Variants in PRDM11 observed in about 807,000 individuals in gnomAD.
The protein encoded by PRDM11 is PR/SET domain 11, also known as PR domain-containing protein 11.
Under a neutral mutation model 97.8 loss-of-function variants are expected in PRDM11, and 20 were observed. That is an observed-to-expected ratio of 0.20 (90% confidence interval 0.14 to 0.30). The LOEUF (loss-of-function observed/expected upper bound fraction) is 0.30, where lower values mean the gene tolerates loss of function less well. Among genes scored for constraint, PRDM11 ranks in the 10% least tolerant of loss-of-function variants. The probability of loss-of-function intolerance (pLI) is 1.00; values close to 1 mark genes in which losing one functional copy is unlikely to be tolerated. For missense variants in PRDM11, 1,139 were observed against 1,555.2 expected, an observed-to-expected ratio of 0.73 and a Z score of 4.50; for synonymous variants, 599 against 637.7, an observed-to-expected ratio of 0.94 and a Z score of 0.91.
At chr11:45,225,529 G>A (rs1854253518) in intron 7 of PRDM11, among the ~76,000 whole-genome samples, 1 of 152,170 alleles carries the variant, frequency 6.6e-6, no homozygotes, top group African/African-American at 2.4e-5. Flanking sequence ...GCATGCGTCT[G>A]AACTAAACTG....
intron 1 of PRDM11, among the ~76,000 whole-genome samples, chr11:45,139,905 G>C (rs1852963933): frequency 6.6e-6 from 1 of 152,112 alleles, no homozygotes; most frequent in Non-Finnish European, 1.5e-5. Flanking sequence ...GAAAGAGAGA[G>C]AAACAATGTT....
chr11:45,095,177 AAAG>A (rs1851872443), upstream of PRDM11, among the ~76,000 whole-genome samples: 1 of 152,158 alleles, frequency 6.6e-6, no homozygotes, highest in Admixed American at 6.5e-5. Context: ...GCCTCCCCCA[AAAG>A]AAGGTGACAG....
At chr11:45,151,145 G>T (rs998463978) in intron 1 of PRDM11, among the ~76,000 whole-genome samples, 2 of 152,136 alleles carry the variant, frequency 1.3e-5, no homozygotes, top group African/African-American at 4.8e-5. Flanking sequence ...TGAGCATGGG[G>T]TTCTTGGCTC....
intron 1 of PRDM11, among the ~76,000 whole-genome samples, chr11:45,117,577 C>G (rs1016138183): frequency 1.3e-5 from 2 of 152,008 alleles, no homozygotes; most frequent in African/African-American, 4.8e-5. Flanking sequence ...CAAGAACCCT[C>G]CTCTACAAGA....
chr11:45,221,015 G>C (rs1225558888), intron 6 of PRDM11, among the ~76,000 whole-genome samples: 1 of 152,072 alleles, frequency 6.6e-6, no homozygotes, highest in African/African-American at 2.4e-5. Flanking sequence ...TCGTGTTCCT[G>C]ACCAACTTAC....
chr11:45,141,636 C>T (rs1851405512), intron 1 of PRDM11, among the ~76,000 whole-genome samples: 1 of 152,150 alleles, frequency 6.6e-6, no homozygotes, highest in African/African-American at 2.4e-5. Flanking sequence ...GTGGTAAAGA[C>T]ATTGCTCCCC....
At chr11:45,128,213 G>T (rs1040112642) in intron 1 of PRDM11, among the ~76,000 whole-genome samples, 1 of 152,178 alleles carries the variant, frequency 6.6e-6, no homozygotes, top group Admixed American at 6.5e-5. Flanking sequence ...GCAGTATTAG[G>T]GTGGGAGTGA....
rs182953785 is a variant in PRDM11, at chr11:45,175,198, T to C, written c.-6-6563T>C. ...TTCACTCATGGTGTTGTACCTTCTG[T>C]GGGTTTTGACCAATGTACAATGACA... On this transcript the variant is annotated intron_variant, in intron 1 of 7. Coordinates refer to ENST00000683152, the MANE Select transcript of PRDM11 (RefSeq NM_001384648.1). Among the ~76,000 whole-genome samples the C allele has an allele frequency of 1.3e-3, 193 of 152,336 alleles. 1 individual carries two copies. The highest frequency in any genetic ancestry group is 4.3e-3 in the African/African-American group (179 of 41,582).
At chr11:45,097,287 T>C (rs1851898407) in intron 1 of PRDM11, among the ~76,000 whole-genome samples, 1 of 152,210 alleles carries the variant, frequency 6.6e-6, no homozygotes, top group South Asian at 2.1e-4. Flanking sequence ...TCAATTTCCT[T>C]GTATGTAAAC....
At chr11:45,144,873 T>C (rs1339622887), upstream of PRDM11, among the ~76,000 whole-genome samples, 1 of 152,240 alleles carries the variant, frequency 6.6e-6, no homozygotes, top group East Asian at 1.9e-4. Flanking sequence ...TCAGTGCAAC[T>C]GGAGGTGCAT....
chr11:45,104,608 C>CTGG (rs1408080354), intron 1 of PRDM11, among the ~76,000 whole-genome samples: 1 of 152,158 alleles, frequency 6.6e-6, no homozygotes, highest in Non-Finnish European at 1.5e-5. Flanking sequence ...CATCTCCCAC[C>CTGG]TGGGACCTCA....
intron 6 of PRDM11, among the ~76,000 whole-genome samples, chr11:45,223,946 TTTCTC>T (rs768604802): frequency 1.3e-5 from 2 of 152,200 alleles, no homozygotes; most frequent in Non-Finnish European, 2.9e-5. Flanking sequence ...CCCTTATAGA[TTTCTC>T]TTAACTTATA....
At chr11:45,221,379 G>T (rs1854116451) in intron 6 of PRDM11, among the ~76,000 whole-genome samples, 2 of 152,200 alleles carry the variant, frequency 1.3e-5, no homozygotes, top group African/African-American at 4.8e-5. Context: ...ATAAGTCTTT[G>T]TTGAATGGAT....
intron 1 of PRDM11, among the ~76,000 whole-genome samples, chr11:45,157,607 C>T (rs376265281): frequency 6.6e-6 from 1 of 152,198 alleles, no homozygotes; most frequent in Non-Finnish European, 1.5e-5. Context: ...GGCTGTTCCT[C>T]GATTGTGTCT....
chr11:45,098,255 T>C (rs1307918227), intron 1 of PRDM11, among the ~76,000 whole-genome samples: 2 of 152,170 alleles, frequency 1.3e-5, no homozygotes, highest in Non-Finnish European at 2.9e-5. Context: ...ACTCACACAG[T>C]GCTGGGTGTT....
rs530262872 is a variant in PRDM11 at position 45,212,426 on chromosome 11, C to G, written c.555-7144C>G. 6.1e-4 allele frequency: 221 copies of G among 361,680 alleles called. 6 individuals are homozygous for G. The highest frequency in any genetic ancestry group is 4.5e-3 in the South Asian group (221 of 49,052). The allele number at this position is 361,680 out of a possible 1,614,324, so 22.4% of individuals were successfully genotyped here. On this transcript the variant is annotated intron_variant, in intron 5 of 7. Coordinates refer to ENST00000683152, the MANE Select transcript of PRDM11 (RefSeq NM_001384648.1). Reference sequence around the variant, plus strand: ...CCAACCCCTGGGCCTCCCTCCTTCTCCCTTTTGTAACCACTTTTCCATCTT... The same window carrying G: ...CCAACCCCTGGGCCTCCCTCCTTCTGCCTTTTGTAACCACTTTTCCATCTT...
intron 5 of PRDM11, among the ~76,000 whole-genome samples, chr11:45,208,394 T>C (rs932661994): frequency 2.0e-5 from 3 of 152,210 alleles, no homozygotes; most frequent in African/African-American, 7.2e-5. Context: ...AGCCATTCAT[T>C]CAGCTGTAGG....
chr11:45,099,613 G>A (rs1166601776), intron 1 of PRDM11, among the ~76,000 whole-genome samples: 1 of 151,700 alleles, frequency 6.6e-6, no homozygotes, highest in Admixed American at 6.6e-5. Context: ...TATATGTATG[G>A]GGCACATGAG....
chr11:45,170,243 T>A (rs1335736326), intron 1 of PRDM11, among the ~76,000 whole-genome samples: 1 of 152,034 alleles, frequency 6.6e-6, no homozygotes, highest in African/African-American at 2.4e-5. Context: ...CTAGGAAGGC[T>A]GAGGCAGGAG....
Sources: gnomAD v4.1 joint callset for allele counts (sites outside exome capture counted in the v4.1 genomes callset) on GRCh38, gnomAD v4.1.1 for gene constraint, MANE v1.5 for transcripts, NCBI Gene and HGNC (gene_info 2026-07-23, HGNC 2026-07-21) for gene names.